Variants in PAN3 observed in about 807,000 individuals in gnomAD.
PAN3 encodes PAN2-PAN3 deadenylation complex subunit PAN3.
PAN3 carries 19 observed loss-of-function variants against 96.2 expected under a neutral mutation model. The observed-to-expected ratio is 0.20, with a 90% confidence interval of 0.14 to 0.29. PAN3 has a LOEUF of 0.29. Ranked by LOEUF, PAN3 falls within the 10% of genes least tolerant of loss-of-function variation. The probability of loss-of-function intolerance (pLI) is 1.00; values close to 1 mark genes in which losing one functional copy is unlikely to be tolerated. For missense variants in PAN3, 882 were observed against 1,108.1 expected (o/e 0.80, Z 2.90); for synonymous variants, 433 against 406.6 (o/e 1.06, Z -0.78).
chr13:28,197,038 G>A, intron 4 of PAN3, 147 bp from the exon 5 acceptor site: 2 of 904,706 alleles, frequency 2.2e-6, no homozygotes, highest in Non-Finnish European at 3.1e-6. Flanking sequence ...GGAGGTGGTG[G>A]GTGGTGGTAA....
At chr13:28,162,715 A>G (rs1254675416) in intron 1 of PAN3, among the ~76,000 whole-genome samples, 1 of 151,734 alleles carries the variant, frequency 6.6e-6, no homozygotes, top group East Asian at 1.9e-4. Flanking sequence ...TCAGTAACTC[A>G]TGCCTGTAGT....
intron 14 of PAN3, among the ~76,000 whole-genome samples, chr13:28,276,106 C>T (rs1351036214): frequency 6.6e-6 from 1 of 152,154 alleles, no homozygotes; most frequent in African/African-American, 2.4e-5. Context: ...ATATTACCAT[C>T]ATTTGTGGAA....
intron 5 of PAN3, among the ~76,000 whole-genome samples, chr13:28,208,969 T>C (rs775437001): frequency 4.6e-5 from 7 of 152,198 alleles, no homozygotes; most frequent in Non-Finnish European, 1.0e-4. Flanking sequence ...GGATTGGTTC[T>C]AGCAACAACC....
rs554558701 is a variant in PAN3 at position 28,266,551 on chromosome 13, C to T, written c.1412-164C>T. ...ATGCCTATTTTTATTGATACTGAAG[C>T]TAGTTTGTCTTATGGAATTGTAATA... is the stretch of plus-strand genomic sequence containing the variant. On this transcript the variant is annotated intron_variant, in intron 9 of 18. Coordinates refer to ENST00000380958, the MANE Select transcript of PAN3 (RefSeq NM_175854.8). 3.3e-5 allele frequency among the ~76,000 whole-genome samples: 5 copies of T among 152,080 alleles called. No individual in the cohort carries two copies. The South Asian group carries it at 1.0e-3, about 32-fold the overall frequency.
In PAN3 at chr13:28,138,619, T is replaced by G. The variant is rs1593333325; in HGVS notation, c.-39T>G. The G allele has an allele frequency of 2.4e-6, 1 of 414,338 alleles. No individual in the cohort carries two copies. Among genetic ancestry groups the G allele is most frequent in the Non-Finnish European group, 3.9e-6 (1 of 258,054 alleles). 25.7% of individuals were successfully genotyped at this position (414,338 alleles called of 1,614,324 possible). On this transcript the variant is annotated 5_prime_UTR_variant, in exon 1 of 19. Coordinates refer to ENST00000380958, the MANE Select transcript of PAN3 (RefSeq NM_175854.8). ...CGTCTATGGTGGTGGCGGCGGCGGC[T>G]CCTCGGGCGGCGGCGGAAGACGAGG...
chr13:28,202,943 A>T (rs1185503166), intron 5 of PAN3, among the ~76,000 whole-genome samples: 1 of 151,888 alleles, frequency 6.6e-6, no homozygotes. Context: ...CTACTGTTTA[A>T]TTTTTTTCTT....
chr13:28,274,436 A>G (rs886453658), intron 14 of PAN3, among the ~76,000 whole-genome samples: 1 of 151,914 alleles, frequency 6.6e-6, no homozygotes, highest in Non-Finnish European at 1.5e-5. Context: ...AAAATTACAC[A>G]TTTTTAGAGC....
intron 6 of PAN3, among the ~76,000 whole-genome samples, chr13:28,241,252 A>G (rs1436800606): frequency 1.3e-5 from 2 of 152,178 alleles, no homozygotes; most frequent in East Asian, 3.8e-4. Context: ...AACAGAGTGA[A>G]ACGCTGTTTC....
intron 3 of PAN3, among the ~76,000 whole-genome samples, chr13:28,176,840 C>CT (rs1294061844): frequency 6.7e-6 from 1 of 149,748 alleles, no homozygotes; most frequent in African/African-American, 2.5e-5. Context: ...GACCATGTCT[C>CT]TATTATTAAA....
intron 5 of PAN3, among the ~76,000 whole-genome samples, chr13:28,201,824 C>T (rs1243476610): frequency 6.6e-6 from 1 of 152,154 alleles, no homozygotes; most frequent in African/African-American, 2.4e-5. Flanking sequence ...GAATTGTCTT[C>T]TGAGTTCAAG....
intron 6 of PAN3, among the ~76,000 whole-genome samples, chr13:28,253,406 T>G (rs1009154214): frequency 6.6e-6 from 1 of 152,098 alleles, no homozygotes; most frequent in South Asian, 2.1e-4. Context: ...GTAGATATTT[T>G]ACTCAGTTCT....
chr13:28,150,998 A>G (rs146967862), intron 1 of PAN3, among the ~76,000 whole-genome samples: 188 of 152,288 alleles, frequency 1.2e-3, no homozygotes, highest in African/African-American at 4.3e-3. Flanking sequence ...GAGTGTAGGA[A>G]TAGGGTTGTT....
chr13:28,235,682 T>TACACACACACACACACACAC (rs143752644), intron 6 of PAN3, among the ~76,000 whole-genome samples: 23 of 123,472 alleles, frequency 1.9e-4, no homozygotes, highest in African/African-American at 7.7e-4. Flanking sequence ...TTCTCTAATA[T>TACACACACACACACACACAC]ACACACACAC....
intron 4 of PAN3, 58 bp from the exon 5 acceptor site, chr13:28,197,127 T>TTTAGA: frequency 1.3e-6 from 2 of 1,551,960 alleles, no homozygotes; most frequent in Non-Finnish European, 1.7e-6. Flanking sequence ...GTTATGTTAG[T>TTTAGA]TTAGATTAGT....
chr13:28,271,013 T>TAA, intron 13 of PAN3, 147 bp downstream of exon 13: 2 of 909,734 alleles, frequency 2.2e-6, no homozygotes, highest in Non-Finnish European at 1.6e-6. Flanking sequence ...GTAAGCTTTT[T>TAA]AAAGAAAAAA....
At chr13:28,217,319 C>T (rs1490411138) in intron 5 of PAN3, among the ~76,000 whole-genome samples, 2 of 151,888 alleles carry the variant, frequency 1.3e-5, no homozygotes, top group African/African-American at 4.8e-5. Context: ...CAGTGGCTCA[C>T]GCCTGTAATC....
At chr13:28,286,623 C>G (rs1172604911) in intron 17 of PAN3, among the ~76,000 whole-genome samples, 1 of 152,192 alleles carries the variant, frequency 6.6e-6, no homozygotes, top group Non-Finnish European at 1.5e-5. Flanking sequence ...ATCCCACTTA[C>G]CTATCTGCCT....
intron 1 of PAN3, among the ~76,000 whole-genome samples, chr13:28,142,892 T>A (rs971213267): frequency 2.0e-5 from 3 of 151,956 alleles, no homozygotes; most frequent in African/African-American, 7.3e-5. Context: ...GCATTTGAGG[T>A]TTTGACTCTA....
At chr13:28,164,037 G>T (rs376734058) in intron 1 of PAN3, among the ~76,000 whole-genome samples, 3 of 152,280 alleles carry the variant, frequency 2.0e-5, no homozygotes, top group African/African-American at 7.2e-5. Flanking sequence ...AGATTGCAGT[G>T]AGTTGAGATT....
Sources: gnomAD v4.1 joint callset for allele counts (sites outside exome capture counted in the v4.1 genomes callset) on GRCh38, gnomAD v4.1.1 for gene constraint, MANE v1.5 for transcripts, NCBI Gene and HGNC (gene_info 2026-07-23, HGNC 2026-07-21) for gene names.